The following MCTP1 variants were observed in gnomAD, a reference collection of about 807,000 sequenced individuals.
MCTP1 encodes the protein multiple C2 and transmembrane domain containing 1, also known as multiple C2 and transmembrane domain-containing protein 1.
MCTP1 carries 69 observed loss-of-function variants against 120.6 expected under a neutral mutation model. The observed-to-expected ratio is 0.57, with a 90% CI of 0.47 to 0.70. The LOEUF is 0.70. Ranked by LOEUF, MCTP1 falls within the 30% of genes least tolerant of loss-of-function variation. The pLI is 0.00. For synonymous variants in MCTP1, 529 were observed against 493.1 expected (o/e 1.07, Z -0.96); for missense variants, 1,203 against 1,248.8 (o/e 0.96, Z 0.55).
At position 95,021,783 on chromosome 5, in the gene MCTP1, T is replaced by C. The variant is rs550806831; in HGVS notation, c.721-4299A>G. Among the ~76,000 whole-genome samples, 69 of 152,238 alleles carry C rather than the reference T, an allele frequency of 4.5e-4. 2 individuals carry two copies. The South Asian group carries it at 0.014, about 31-fold the overall frequency. Reference sequence around the variant, plus strand: ...TCAATTATTTATTTTTAAATCTTATTGTGTTATCTTCTAAAGACTGTGAAA... The same window carrying C: ...TCAATTATTTATTTTTAAATCTTATCGTGTTATCTTCTAAAGACTGTGAAA... On this transcript the variant is annotated intron_variant, in intron 1 of 22. Coordinates refer to ENST00000515393, the MANE Select transcript of MCTP1 (RefSeq NM_024717.7).
chr5:95,101,925 G>C (rs74655848), intron 1 of MCTP1, among the ~76,000 whole-genome samples: 4 of 152,118 alleles, frequency 2.6e-5, no homozygotes, highest in African/African-American at 9.7e-5. Flanking sequence ...AAGTAATACT[G>C]TATTTCATCC....
At chr5:94,902,243 G>C (rs537454181) in intron 10 of MCTP1, among the ~76,000 whole-genome samples, 3 of 152,048 alleles carry the variant, frequency 2.0e-5, no homozygotes, top group African/African-American at 7.2e-5. Context: ...AGAATCTGCC[G>C]AGCCGACACT....
intron 1 of MCTP1, among the ~76,000 whole-genome samples, chr5:95,160,585 A>G (rs925181629): frequency 4.6e-5 from 7 of 152,176 alleles, no homozygotes; most frequent in African/African-American, 1.7e-4. Context: ...GTACAGCAAC[A>G]AAAGCAAAAA....
chr5:94,974,550 G>T (rs1025236430), intron 2 of MCTP1, among the ~76,000 whole-genome samples: 1 of 151,978 alleles, frequency 6.6e-6, no homozygotes, highest in Admixed American at 6.6e-5. Context: ...CCCTATCCCT[G>T]AAAAATAATA....
chr5:95,254,487 A>C (rs1757681689), intron 1 of MCTP1, among the ~76,000 whole-genome samples: 1 of 152,132 alleles, frequency 6.6e-6, no homozygotes, highest in African/African-American at 2.4e-5. Flanking sequence ...CTTACCCACA[A>C]GCTTAACAGT....
chr5:95,113,505 A>C (rs573736690), intron 1 of MCTP1, among the ~76,000 whole-genome samples: 96 of 152,264 alleles, frequency 6.3e-4, no homozygotes, highest in African/African-American at 2.3e-3. Flanking sequence ...GAGACAACGT[A>C]TATTGAACTC....
intron 1 of MCTP1, among the ~76,000 whole-genome samples, chr5:95,119,006 A>C (rs745981381): frequency 6.6e-6 from 1 of 152,242 alleles, no homozygotes; most frequent in African/African-American, 2.4e-5. Flanking sequence ...AAGACACATT[A>C]AACTTAATCT....
At chr5:95,225,179 T>C (rs1157619105) in intron 1 of MCTP1, among the ~76,000 whole-genome samples, 4 of 152,194 alleles carry the variant, frequency 2.6e-5, no homozygotes, top group Admixed American at 1.3e-4. Flanking sequence ...CATGTTAATG[T>C]TTCCTCTGGA....
At chr5:94,718,888 T>G (rs1471966465) in intron 19 of MCTP1, among the ~76,000 whole-genome samples, 2 of 152,096 alleles carry the variant, frequency 1.3e-5, no homozygotes, top group East Asian at 3.9e-4. Flanking sequence ...CCTGGCTAAT[T>G]TTTTGTATTT....
intron 1 of MCTP1, among the ~76,000 whole-genome samples, chr5:95,118,805 T>C (rs1758001374): frequency 6.6e-6 from 1 of 152,046 alleles, no homozygotes; most frequent in Non-Finnish European, 1.5e-5. Context: ...CACTAGATAA[T>C]GATAAAGGGG....
At chr5:94,912,579 T>C (rs964755345) in intron 9 of MCTP1, among the ~76,000 whole-genome samples, 23 of 152,004 alleles carry the variant, frequency 1.5e-4, no homozygotes, top group African/African-American at 5.6e-4. Flanking sequence ...ATTATTGCTA[T>C]GTTGTAGATG....
chr5:95,011,750 C>T lies in MCTP1; in HGVS notation c.838+5617G>A, dbSNP rs76137304. Among the ~76,000 whole-genome samples the T allele has an allele frequency of 3.7e-3, 569 of 152,214 alleles. 7 individuals carry two copies. The highest frequency in any genetic ancestry group is 0.013 in the African/African-American group (541 of 41,556). On this transcript the variant is annotated intron_variant, in intron 2 of 22. Coordinates refer to ENST00000515393, the MANE Select transcript of MCTP1 (RefSeq NM_024717.7). ...TAAGTTAATTAAACCTCTTTTCTTCCTAAGTTACCCAGTCTCAGGTAATTG... is the reference window on the plus strand; with the variant it reads ...TAAGTTAATTAAACCTCTTTTCTTCTTAAGTTACCCAGTCTCAGGTAATTG...
intron 18 of MCTP1, among the ~76,000 whole-genome samples, chr5:94,795,452 C>T (rs1324360039): frequency 1.3e-5 from 2 of 152,234 alleles, no homozygotes; most frequent in African/African-American, 4.8e-5. Context: ...GGCATCTACT[C>T]TTCCACTTTC....
In MCTP1 at chr5:94,704,972, ATT is replaced by A. The variant is rs1754197893; in HGVS notation, c.*2522_*2523del. The A allele has an allele frequency of 6.6e-6, 1 of 151,328 alleles. No individual in the cohort carries two copies. Among genetic ancestry groups the A allele is most frequent in the African/African-American group, 2.4e-5 (1 of 41,356 alleles). 9.4% of individuals were successfully genotyped at this position (151,328 alleles called of 1,614,324 possible). A position where few individuals can be genotyped will look rare whatever the true frequency, so the allele number is the denominator to read the frequency against. On this transcript the variant is annotated 3_prime_UTR_variant, in exon 23 of 23. Transcript: ENST00000515393. ...GAAAAATTTAAAAGCACAAATACGC[ATT>A]TCTTATGAATTATCACAACGAATGT...
At chr5:94,884,466 G>T (rs945476212) in intron 12 of MCTP1, among the ~76,000 whole-genome samples, 1 of 152,230 alleles carries the variant, frequency 6.6e-6, no homozygotes, top group East Asian at 1.9e-4. Flanking sequence ...CCCTGTCATT[G>T]TTAAGAGAGC....
At chr5:95,247,122 G>C (rs188299452) in intron 1 of MCTP1, among the ~76,000 whole-genome samples, 2 of 152,158 alleles carry the variant, frequency 1.3e-5, no homozygotes, top group Admixed American at 1.3e-4. Flanking sequence ...GTCTTGGGAG[G>C]GTGTTATGTG....
At chr5:95,092,441 G>A (rs149299801) in intron 1 of MCTP1, among the ~76,000 whole-genome samples, 323 of 152,222 alleles carry the variant, frequency 2.1e-3, no homozygotes, top group African/African-American at 7.3e-3. Context: ...GTAGTACTAC[G>A]TTCTAGTATT....
chr5:94,716,044 C>T (rs1034535729), intron 19 of MCTP1, among the ~76,000 whole-genome samples: 2 of 152,176 alleles, frequency 1.3e-5, no homozygotes, highest in Non-Finnish European at 1.5e-5. Context: ...GCTGGCCTCC[C>T]GCCACCTCAG....
rs1399609164 is a variant in MCTP1, at chr5:94,857,204, A to G, written c.2436+11129T>C. ...AACTTCAAGTTTTGCTGCTGAAGTC[A>G]TCTGAGTCAGCCACTCAACACAGCT... On this transcript the variant is annotated intron_variant, in intron 17 of 22. Coordinates refer to ENST00000515393, the MANE Select transcript of MCTP1 (RefSeq NM_024717.7). 1.2e-4 allele frequency among the ~76,000 whole-genome samples: 18 copies of G among 151,744 alleles called. No homozygotes were observed. In the Admixed American group the frequency reaches 1.2e-3, roughly 10 times the overall value.
Sources: gnomAD v4.1 joint callset for allele counts (sites outside exome capture counted in the v4.1 genomes callset) on GRCh38, gnomAD v4.1.1 for gene constraint, MANE v1.5 for transcripts, NCBI Gene and HGNC (gene_info 2026-07-23, HGNC 2026-07-21) for gene names.